Variants in SEPHS1 observed in about 807,000 individuals in gnomAD.
The protein encoded by SEPHS1 is selenophosphate synthetase 1.
In SEPHS1, 7 loss-of-function variants were observed where a neutral mutation model predicts 39.2. The ratio of observed to expected loss-of-function variants is 0.18; its 90% CI spans 0.10 to 0.34. The LOEUF (loss-of-function observed/expected upper bound fraction) is 0.34. Ranked by LOEUF, SEPHS1 falls within the 10% of genes least tolerant of loss-of-function variation. The pLI is 1.00. For missense variants in SEPHS1, 253 were observed against 514.5 expected, an observed-to-expected ratio of 0.49 and a Z score of 4.92; for synonymous variants, 190 against 195.5, an observed-to-expected ratio of 0.97 and a Z score of 0.23.
intron 5 of SEPHS1, among the ~76,000 whole-genome samples, chr10:13,331,292 C>T (rs1433233575): frequency 6.6e-6 from 1 of 152,178 alleles, no homozygotes; most frequent in Non-Finnish European, 1.5e-5. Flanking sequence ...CTGCAATAAA[C>T]ATATGTGTGC....
At chr10:13,343,215 C>T (rs1470878829) in intron 2 of SEPHS1, among the ~76,000 whole-genome samples, 1 of 152,102 alleles carries the variant, frequency 6.6e-6, no homozygotes, top group African/African-American at 2.4e-5. Context: ...GTATTAATAG[C>T]TTTTTTTCTT....
chr10:13,346,151 C>G (rs1005429600), intron 1 of SEPHS1, among the ~76,000 whole-genome samples: 1 of 152,216 alleles, frequency 6.6e-6, no homozygotes, highest in African/African-American at 2.4e-5. Context: ...CATACTAAAT[C>G]AGCAGCATTT....
At chr10:13,328,307 G>C in intron 7 of SEPHS1, 44 bp downstream of exon 7, 1 of 1,341,200 alleles carries the variant, frequency 7.5e-7, no homozygotes, top group Non-Finnish European at 1.1e-6. Context: ...GACATTTACT[G>C]TCTTGGACCC....
At chr10:13,321,598 G>A (rs185707177) in intron 8 of SEPHS1, among the ~76,000 whole-genome samples, 1 of 152,240 alleles carries the variant, frequency 6.6e-6, no homozygotes, top group African/African-American at 2.4e-5. Context: ...AGTTCTAGAG[G>A]AAAGGAAATA....
chr10:13,347,657 G>T, intron 1 of SEPHS1, among the ~76,000 whole-genome samples: 1 of 146,448 alleles, frequency 6.8e-6, no homozygotes. Context: ...CTCCCGCCGC[G>T]CGCACGGGCC....
intron 3 of SEPHS1, among the ~76,000 whole-genome samples, chr10:13,336,907 T>G (rs181274435): frequency 6.6e-6 from 1 of 152,308 alleles, no homozygotes; most frequent in Admixed American, 6.5e-5. Context: ...TCCCAGCAAT[T>G]TGAGAGGCCG....
intron 8 of SEPHS1, among the ~76,000 whole-genome samples, chr10:13,320,403 G>T (rs977594676): frequency 2.0e-5 from 3 of 151,692 alleles, no homozygotes; most frequent in Non-Finnish European, 4.4e-5. Context: ...GGATGGTCTC[G>T]ATCTCCTGAC....
Position 13,328,514 on chromosome 10 carries a change from G to A in SEPHS1, c.652-64C>T, listed in dbSNP as rs949144696. On this transcript the variant is annotated intron_variant, in intron 6 of 8. Coordinates refer to ENST00000327347, the MANE Select transcript of SEPHS1 (RefSeq NM_012247.5). ...AAAATGTGATTAATCTTTACTTCTA[G>A]CAACTGAGAAAAACAGCAACTTTTT... 8 of 1,172,518 alleles carry A rather than the reference G, an allele frequency of 6.8e-6. No homozygotes were observed. The African/African-American group carries it at 7.7e-5, about 11-fold the overall frequency. 72.6% of individuals were successfully genotyped at this position (1,172,518 alleles called of 1,614,324 possible).
intron 2 of SEPHS1, 155 bp from the exon 3 acceptor site, chr10:13,338,963 GAAAT>G (rs1833715821): frequency 3.1e-6 from 2 of 635,674 alleles, no homozygotes; most frequent in African/African-American, 3.6e-5. Context: ...AAGCGTAACT[GAAAT>G]AAACGTGAAA....
intron 5 of SEPHS1, among the ~76,000 whole-genome samples, chr10:13,332,985 G>C (rs563109573): frequency 2.0e-5 from 3 of 152,182 alleles, no homozygotes; most frequent in Non-Finnish European, 2.9e-5. Flanking sequence ...TGAACAGTGA[G>C]AGCCGAGGAG....
At chr10:13,335,703 G>A (rs1833606275) in intron 4 of SEPHS1, among the ~76,000 whole-genome samples, 1 of 151,296 alleles carries the variant, frequency 6.6e-6, no homozygotes, top group South Asian at 2.1e-4. Flanking sequence ...CCTTGGGCCG[G>A]GCACGGTGTT....
At chr10:13,320,007 ACT>A (rs1833055128) in intron 8 of SEPHS1, among the ~76,000 whole-genome samples, 2 of 152,106 alleles carry the variant, frequency 1.3e-5, no homozygotes, top group South Asian at 4.1e-4. Flanking sequence ...CTCTACATCG[ACT>A]CTCTCATTTT....
chr10:13,336,408 T>A, intron 3 of SEPHS1, 58 bp from the exon 4 acceptor site: 1 of 1,284,868 alleles, frequency 7.8e-7, no homozygotes, highest in Non-Finnish European at 1.1e-6. Context: ...CTGCAGAAAC[T>A]GAGTGAGCCA....
rs769329530 is a variant in SEPHS1, at chr10:13,323,043, T to C, written c.756A>G (p.Ala252=). ...GGGCATTGAACGTGTGCATGAGTCC[T>C]GCAGCTGGGAGAGAGAGGGGGCGGC... ...MNMARLNRTA[A]GLMHTFNAHA... is the part of the protein sequence containing the mutation. Residue 252 remains alanine (A), a synonymous_variant, in exon 8 of 9, where the codon GCA becomes GCG. Coordinates refer to ENST00000327347, the MANE Select transcript of SEPHS1 (RefSeq NM_012247.5). 23 of 1,613,872 alleles carry C rather than the reference T, an allele frequency of 1.4e-5. No individual in the cohort carries two copies. The highest frequency in any genetic ancestry group is 1.8e-5 in the Non-Finnish European group (21 of 1,179,950).
Position 13,330,881 on chromosome 10 carries a change from A to T in SEPHS1, c.561-1093T>A, listed in dbSNP as rs371630134. Among the ~76,000 whole-genome samples the T allele has an allele frequency of 1.2e-4, 19 of 152,202 alleles. No individual in the cohort carries two copies. The East Asian group carries it at 2.9e-3, about 23-fold the overall frequency. On this transcript the variant is annotated intron_variant, in intron 5 of 8. Transcript: ENST00000327347. ...TTTAAGTTCTAGGGTACATGTACAC[A>T]ACATGCAGGTTTGATACATAGGTAT... is the stretch of plus-strand genomic sequence containing the variant.
rs28756245 is a variant in SEPHS1 at position 13,318,429 on chromosome 10, A to G, written c.*713T>C. 6.5e-6 allele frequency: 1 copy of G among 152,672 alleles called. No individual in the cohort carries two copies. Among genetic ancestry groups the G allele is most frequent in the African/African-American group, 2.4e-5 (1 of 41,454 alleles). The allele number at this position is 152,672 out of a possible 1,614,324, so 9.5% of individuals were successfully genotyped here. On this transcript the variant is annotated 3_prime_UTR_variant, in exon 9 of 9. Coordinates refer to ENST00000327347, the MANE Select transcript of SEPHS1 (RefSeq NM_012247.5). ...CTTGTAGCACTATAGAACATCTAAT[A>G]ACATTGCAAAAAGTATCCTTTTTTG...
intron 8 of SEPHS1, among the ~76,000 whole-genome samples, chr10:13,320,757 G>T (rs1334054781): frequency 6.6e-6 from 1 of 152,072 alleles, no homozygotes; most frequent in African/African-American, 2.4e-5. Flanking sequence ...GAACCGGGGA[G>T]GGGGAGGTTG....
chr10:13,341,967 T>C (rs1164673065), intron 2 of SEPHS1, among the ~76,000 whole-genome samples: 1 of 130,030 alleles, frequency 7.7e-6, no homozygotes, highest in Non-Finnish European at 1.6e-5. Context: ...GGAGTGAGAC[T>C]CTATCTCAAG....
chr10:13,347,088 G>A (rs937366777), intron 1 of SEPHS1, among the ~76,000 whole-genome samples: 2 of 152,186 alleles, frequency 1.3e-5, no homozygotes, highest in Admixed American at 6.5e-5. Context: ...GACGGTGCCC[G>A]GCGACCCCGC....
Sources: allele counts gnomAD v4.1 joint callset (sites outside exome capture counted in the v4.1 genomes callset), GRCh38; gene constraint gnomAD v4.1.1; transcripts MANE v1.5; gene names NCBI Gene and HGNC (gene_info 2026-07-23, HGNC 2026-07-21).